TUSC3: variants seen among roughly 807,000 people sequenced by gnomAD.
TUSC3 encodes tumor suppressor candidate 3, also known as dolichyl-diphosphooligosaccharide--protein glycosyltransferase subunit TUSC3.
A neutral mutation model predicts 44.8 loss-of-function variants in TUSC3; 45 were observed. The observed-to-expected ratio is 1.00, with a 90% CI of 0.79 to 1.29. TUSC3 has a LOEUF of 1.29. Among genes scored for constraint, TUSC3 ranks in the 50% most tolerant of loss-of-function variants. The pLI, the probability that TUSC3 is intolerant of heterozygous loss-of-function variation, is 0.00. For missense variants in TUSC3, 519 were observed against 437.9 expected (o/e 1.19, Z -1.65); for synonymous variants, 212 against 152.9 (o/e 1.39, Z -2.85).
At chr8:15,542,315 C>G (rs1023365639) in intron 1 of TUSC3, among the ~76,000 whole-genome samples, 1 of 152,060 alleles carries the variant, frequency 6.6e-6, no homozygotes, top group Non-Finnish European at 1.5e-5. Context: ...AGGTGGCAGA[C>G]TTCAGAGAGA....
At chr8:15,806,867 A>T in the TUSC3 span, 9 of 1,122,004 alleles carry the variant, frequency 8.0e-6, no homozygotes, top group Non-Finnish European at 1.2e-5. Context: ...AGTTAATGAA[A>T]TAATTATGTT....
chr8:15,833,027 G>A, the TUSC3 span, among the ~76,000 whole-genome samples: 5 of 151,724 alleles, frequency 3.3e-5, no homozygotes, highest in East Asian at 3.9e-4. Flanking sequence ...TCACATAATC[G>A]GAAGTAAAAA....
At chr8:15,479,837 A>C (rs112459610) in intron 1 of TUSC3, among the ~76,000 whole-genome samples, 28,743 of 152,104 alleles carry the variant, frequency 0.19, 2,945 homozygotes, top group Admixed American at 0.28. Flanking sequence ...AGCGTATTCA[A>C]ATAAGAAGAG....
chr8:15,830,215 T>G, the TUSC3 span, among the ~76,000 whole-genome samples: 1 of 152,294 alleles, frequency 6.6e-6, no homozygotes, highest in Non-Finnish European at 1.5e-5. Flanking sequence ...ATGCATAGTT[T>G]GTAAATATTT....
chr8:15,570,914 A>T lies in TUSC3; in HGVS notation c.138+30346A>T, dbSNP rs115947051. Among the ~76,000 whole-genome samples the T allele has an allele frequency of 6.7e-3, 868 of 129,816 alleles. 11 individuals are homozygous for T. Among genetic ancestry groups the T allele is most frequent in the African/African-American group, 0.021 (812 of 38,104 alleles). 85.2% of individuals were successfully genotyped at this position (129,816 alleles called of 152,430 possible). On this transcript the variant is annotated intron_variant, in intron 1 of 10. Coordinates refer to ENST00000503731, the MANE Select transcript of TUSC3 (RefSeq NM_006765.4). ...ATATATTTGATCTTATATATATTAA[A>T]ACATTTTGCAAACTTTGCTTTCTAT...
chr8:15,771,436 A>C (rs1328590273), downstream of TUSC3, among the ~76,000 whole-genome samples: 1 of 152,194 alleles, frequency 6.6e-6, no homozygotes, highest in Non-Finnish European at 1.5e-5. Flanking sequence ...GACAACTGAG[A>C]GTCATACAAA....
chr8:15,768,809 T>C (rs2543115), downstream of TUSC3, among the ~76,000 whole-genome samples: 4,374 of 152,152 alleles, frequency 0.029, 191 homozygotes, highest in African/African-American at 0.098. Context: ...AGCCAAATCA[T>C]GAGTGAACTC....
At chr8:15,819,396 A>G in the TUSC3 span, among the ~76,000 whole-genome samples, 1 of 15,572 alleles carries the variant, frequency 6.4e-5, no homozygotes, top group African/African-American at 1.6e-4. Context: ...TGAATTTTCT[A>G]TACTACTTTC....
chr8:15,686,264 C>CT (rs1169245515), intron 6 of TUSC3, among the ~76,000 whole-genome samples: 2 of 151,924 alleles, frequency 1.3e-5, no homozygotes, highest in Non-Finnish European at 2.9e-5. Context: ...TGAAATAAAG[C>CT]TTATGCGTAG....
chr8:15,849,140 A>G, the TUSC3 span, among the ~76,000 whole-genome samples: 3 of 152,202 alleles, frequency 2.0e-5, no homozygotes, highest in African/African-American at 7.2e-5. Flanking sequence ...CATTCGATCA[A>G]AATTCAAACA....
At chr8:15,744,030 C>T (rs984747643) in intron 8 of TUSC3, among the ~76,000 whole-genome samples, 2 of 152,190 alleles carry the variant, frequency 1.3e-5, no homozygotes, top group African/African-American at 4.8e-5. Flanking sequence ...GATGAAGCTT[C>T]TGCATAGGTA....
intron 2 of TUSC3, among the ~76,000 whole-genome samples, chr8:15,501,651 C>T (rs992245814): frequency 2.2e-4 from 34 of 152,160 alleles, no homozygotes; most frequent in African/African-American, 8.2e-4. Context: ...GGTACTCAAG[C>T]AGTTTCGTCA....
In TUSC3 at chr8:15,687,950, T is replaced by C. The variant is rs533585233; in HGVS notation, c.798+14114T>C. ...GAGAATGTGTTTTAATATGTCAAAC[T>C]TCATCTAATACAGTTAATTATTCTC... On this transcript the variant is annotated intron_variant, in intron 6 of 10. Coordinates refer to ENST00000503731, the MANE Select transcript of TUSC3 (RefSeq NM_006765.4). Among the ~76,000 whole-genome samples the C allele has an allele frequency of 2.0e-5, 3 of 152,300 alleles. No homozygotes were observed. In the South Asian group the frequency reaches 6.2e-4, roughly 32 times the overall value.
At position 15,699,415 on chromosome 8, in the gene TUSC3, C is replaced by G. The variant is rs531801616; in HGVS notation, c.798+25579C>G. 2.0e-5 allele frequency among the ~76,000 whole-genome samples: 3 copies of G among 152,292 alleles called. No homozygotes were observed. In the East Asian group the frequency reaches 5.8e-4, roughly 29 times the overall value. ...TTCTTGCTCTGTCTGTACTGTTTCA[C>G]TGATGGTAGTGAAACAGACTACTTG... On this transcript the variant is annotated intron_variant, in intron 6 of 10. Coordinates refer to ENST00000503731, the MANE Select transcript of TUSC3 (RefSeq NM_006765.4).
chr8:15,831,320 A>C, the TUSC3 span, among the ~76,000 whole-genome samples: 3 of 152,218 alleles, frequency 2.0e-5, no homozygotes, highest in Middle Eastern at 3.2e-3. Context: ...AACTTCAAAC[A>C]ATGAAGAAAC....
intron 2 of TUSC3, among the ~76,000 whole-genome samples, chr8:15,627,181 T>C (rs1268527320): frequency 6.6e-6 from 1 of 152,144 alleles, no homozygotes; most frequent in African/African-American, 2.4e-5. Context: ...CAGGGTCTCC[T>C]CTCTGCTGAG....
At chr8:15,428,546 C>G (rs189571028) in intron 1 of TUSC3, among the ~76,000 whole-genome samples, 3 of 152,174 alleles carry the variant, frequency 2.0e-5, no homozygotes, top group African/African-American at 7.2e-5. Context: ...AATCGCCACA[C>G]CGACTTCCAC....
chr8:15,523,664 A>ATGTG lies in TUSC3; in HGVS notation n.189+40223_189+40226dup, dbSNP rs869090876. On this transcript the variant is annotated intron_variant and non_coding_transcript_variant, in intron 2 of 5. Coordinates refer to the TUSC3 transcript ENST00000503191. ...CATATATATATATATATATATATATATGTGTGTGTGTGTGTGTGTGTGTGT... is the reference window on the plus strand; with the variant it reads ...CATATATATATATATATATATATATATGTGTGTGTGTGTGTGTGTGTGTGTGTGT... Among the ~76,000 whole-genome samples, 105 of 42,462 alleles carry ATGTG rather than the reference A, an allele frequency of 2.5e-3. 2 individuals carry two copies. Among genetic ancestry groups the ATGTG allele is most frequent in the African/African-American group, 6.4e-3 (74 of 11,524 alleles). 27.9% of individuals were successfully genotyped at this position (42,462 alleles called of 152,430 possible).
chr8:15,808,853 G>A, the TUSC3 span, among the ~76,000 whole-genome samples: 3 of 151,936 alleles, frequency 2.0e-5, no homozygotes, highest in African/African-American at 7.3e-5. Context: ...ACCTACACAG[G>A]TTGTCTTTTT....
Sources: gnomAD v4.1 joint callset for allele counts (sites outside exome capture counted in the v4.1 genomes callset) on GRCh38, gnomAD v4.1.1 for gene constraint, MANE v1.5 for transcripts, NCBI Gene and HGNC (gene_info 2026-07-23, HGNC 2026-07-21) for gene names.